Variants in SHTN1 observed in about 807,000 individuals in gnomAD.
The protein encoded by SHTN1 is shootin-1.
A neutral mutation model predicts 83.1 loss-of-function variants in SHTN1; 42 were observed. The ratio of observed to expected loss-of-function variants is 0.51; its 90% CI spans 0.39 to 0.65. The LOEUF is 0.65. Among genes scored for constraint, SHTN1 ranks in the 30% least tolerant of loss-of-function variants. SHTN1 has a pLI of 0.00. For synonymous variants in SHTN1, 224 were observed against 247.7 expected, an observed-to-expected ratio of 0.90 and a Z score of 0.90; for missense variants, 622 against 737.8, an observed-to-expected ratio of 0.84 and a Z score of 1.82.
chr10:116,954,856 G>GT (rs1849919789), intron 4 of SHTN1, among the ~76,000 whole-genome samples: 1 of 152,144 alleles, frequency 6.6e-6, no homozygotes, highest in Admixed American at 6.5e-5. Flanking sequence ...AAAGAGGAAG[G>GT]TAGTTTTTAG....
chr10:116,995,052 CACAA>C (rs1227460951), intron 1 of SHTN1, among the ~76,000 whole-genome samples: 2 of 152,050 alleles, frequency 1.3e-5, no homozygotes, highest in Non-Finnish European at 2.9e-5. Context: ...TGTTATATCT[CACAA>C]ACAACCAAAT....
At chr10:116,994,006 G>A (rs1259698290) in intron 1 of SHTN1, among the ~76,000 whole-genome samples, 1 of 152,016 alleles carries the variant, frequency 6.6e-6, no homozygotes, top group Non-Finnish European at 1.5e-5. Context: ...GTACTTTGAG[G>A]AAACATATTT....
At chr10:117,083,477 T>A (rs1853303612) in intron 1 of SHTN1, among the ~76,000 whole-genome samples, 1 of 151,870 alleles carries the variant, frequency 6.6e-6, no homozygotes, top group Admixed American at 6.6e-5. Flanking sequence ...TATTTTTTCC[T>A]TCATTTCAAC....
intron 16 of SHTN1, among the ~76,000 whole-genome samples, chr10:116,893,907 C>T (rs1847427037): frequency 6.6e-6 from 1 of 151,966 alleles, no homozygotes. Flanking sequence ...AGAAAGTAAA[C>T]AAAATAAAAT....
intron 3 of SHTN1, among the ~76,000 whole-genome samples, chr10:116,966,740 A>G (rs1043141130): frequency 7.9e-5 from 12 of 152,188 alleles, no homozygotes; most frequent in African/African-American, 2.9e-4. Context: ...CCTAGACCAA[A>G]TATTTTATAA....
intron 1 of SHTN1, among the ~76,000 whole-genome samples, chr10:117,122,502 G>T (rs930240601): frequency 6.6e-6 from 1 of 152,086 alleles, no homozygotes; most frequent in African/African-American, 2.4e-5. Flanking sequence ...AAATATTTTC[G>T]ATCCATAGTT....
intron 1 of SHTN1, among the ~76,000 whole-genome samples, chr10:117,065,574 C>T (rs1335536249): frequency 3.3e-5 from 5 of 150,586 alleles, no homozygotes; most frequent in East Asian, 4.0e-4. Flanking sequence ...AAAAATTAGC[C>T]GGGCATGGTG....
intron 1 of SHTN1, among the ~76,000 whole-genome samples, chr10:117,082,512 G>C (rs1420324674): frequency 5.9e-5 from 9 of 151,914 alleles, no homozygotes; most frequent in Non-Finnish European, 1.3e-4. Context: ...TGTATACTCT[G>C]TTGATTTGGG....
rs1302128350 is a variant in SHTN1 at position 116,940,537 on chromosome 10, A to G, written c.787T>C (p.Leu263=). The change falls in exon 9 of 17, where the codon TTG becomes CTG. Residue 263 remains leucine, a synonymous_variant. Transcript: ENST00000355371. ...TTTGCATTTTCGTCTAAAGCTTTCAAAAGCTGCTGATCAGGGATGGAGCTC... is the reference window on the plus strand; with the variant it reads ...TTTGCATTTTCGTCTAAAGCTTTCAGAAGCTGCTGATCAGGGATGGAGCTC... The part of the protein sequence containing the change: ...LQSSIPDQQL[L]KALDENAKLT... 1 of 1,614,094 alleles carries G rather than the reference A, an allele frequency of 6.2e-7. No homozygotes were observed. Among genetic ancestry groups the G allele is most frequent in the South Asian group, 1.1e-5 (1 of 91,072 alleles).
chr10:117,041,445 C>G (rs1898358), intron 2 of SHTN1, among the ~76,000 whole-genome samples: 143,940 of 152,236 alleles, frequency 0.95, 68,259 homozygotes, highest in Non-Finnish European at 0.99. Context: ...TGTAGCATCA[C>G]GGAGTCCAAT....
Position 116,886,535 on chromosome 10 carries a change from A to AT in SHTN1, c.1704dup (p.Tyr569IlefsTer3). The AT allele has an allele frequency of 6.2e-7, 1 of 1,614,116 alleles. No homozygotes were observed. Among genetic ancestry groups the AT allele is most frequent in the African/African-American group, 1.3e-5 (1 of 75,032 alleles). On this transcript the variant is annotated frameshift_variant, in exon 17 of 17. Coordinates refer to ENST00000355371, the MANE Select transcript of SHTN1 (RefSeq NM_001127211.3). LOFTEE classifies it high-confidence loss of function. Reference sequence around the variant, plus strand: ...TCGGCTTGTTTTTCACCGTCAATGTATTTTTTCCTGCATCCAATGCTACTG... The same window carrying AT: ...TCGGCTTGTTTTTCACCGTCAATGTATTTTTTTCCTGCATCCAATGCTACTG...
At chr10:116,891,494 C>T (rs1249167520) in intron 16 of SHTN1, among the ~76,000 whole-genome samples, 4 of 152,240 alleles carry the variant, frequency 2.6e-5, no homozygotes, top group East Asian at 3.9e-4. Flanking sequence ...CCATATTTAC[C>T]GCCTTCAAGG....
At chr10:116,992,530 A>G (rs1252957607) in intron 1 of SHTN1, among the ~76,000 whole-genome samples, 1 of 152,220 alleles carries the variant, frequency 6.6e-6, no homozygotes, top group Non-Finnish European at 1.5e-5. Flanking sequence ...AAGCTGAAAT[A>G]CTAATTACCC....
chr10:117,097,135 A>G (rs4489660), intron 1 of SHTN1, among the ~76,000 whole-genome samples: 1 of 152,198 alleles, frequency 6.6e-6, no homozygotes, highest in African/African-American at 2.4e-5. Flanking sequence ...TCATAACTTC[A>G]TCTTATAAAC....
chr10:117,005,364 C>T (rs1299900596), upstream of SHTN1: 3 of 1,236,442 alleles, frequency 2.4e-6, no homozygotes, highest in Non-Finnish European at 3.0e-6. Flanking sequence ...CTATGCCAGC[C>T]TGTGGCTGCC....
At position 117,059,349 on chromosome 10, in the gene SHTN1, T is replaced by C. The variant is rs185821681; in HGVS notation, c.-188-10839A>G. 4.6e-5 allele frequency among the ~76,000 whole-genome samples: 7 copies of C among 152,292 alleles called. No individual in the cohort carries two copies. In the East Asian group the frequency reaches 1.2e-3, roughly 25 times the overall value. On this transcript the variant is annotated intron_variant, in intron 1 of 17. Transcript: ENST00000392901. Reference sequence around the variant, plus strand: ...TGCAACTACAACATAGCCCAGCAATTGCACTCTGGGCATTTATTCCAAAGA... The same window carrying C: ...TGCAACTACAACATAGCCCAGCAATCGCACTCTGGGCATTTATTCCAAAGA...
intron 1 of SHTN1, among the ~76,000 whole-genome samples, chr10:117,112,208 C>T (rs1321957081): frequency 6.6e-6 from 1 of 152,074 alleles, no homozygotes; most frequent in African/African-American, 2.4e-5. Context: ...TCAAGAGATC[C>T]GCCCGCCTCG....
intron 1 of SHTN1, among the ~76,000 whole-genome samples, chr10:116,995,069 C>T (rs755224529): frequency 1.1e-4 from 17 of 152,104 alleles, no homozygotes; most frequent in Non-Finnish European, 1.9e-4. Context: ...AACCAAATTT[C>T]CTTGTCAACT....
At chr10:117,087,990 C>A (rs1853374342) in intron 1 of SHTN1, among the ~76,000 whole-genome samples, 1 of 152,076 alleles carries the variant, frequency 6.6e-6, no homozygotes, top group Admixed American at 6.6e-5. Context: ...GTAGTCCCAG[C>A]CACTCAGAAG....
Sources: gnomAD v4.1 joint callset for allele counts (sites outside exome capture counted in the v4.1 genomes callset) on GRCh38, gnomAD v4.1.1 for gene constraint, MANE v1.5 for transcripts, NCBI Gene and HGNC (gene_info 2026-07-23, HGNC 2026-07-21) for gene names.